Variants in PITPNC1 observed in about 807,000 individuals in gnomAD.
PITPNC1 encodes the protein phosphatidylinositol transfer protein cytoplasmic 1, also known as cytoplasmic phosphatidylinositol transfer protein 1.
In PITPNC1, 18 loss-of-function variants were observed where a neutral mutation model predicts 44.7. That is an observed-to-expected ratio of 0.40 (90% CI 0.28 to 0.60). The LOEUF (loss-of-function observed/expected upper bound fraction) is 0.60, where lower values mean the gene tolerates loss of function less well. PITPNC1 is among the 20% of genes least tolerant of loss of function. The pLI, the probability that PITPNC1 is intolerant of heterozygous loss-of-function variation, is 0.39. For missense variants in PITPNC1, 290 were observed against 418.4 expected, an observed-to-expected ratio of 0.69 and a Z score of 2.68; for synonymous variants, 141 against 149.6, an observed-to-expected ratio of 0.94 and a Z score of 0.42.
At chr17:67,644,299 G>A (rs1344784154) in intron 6 of PITPNC1, among the ~76,000 whole-genome samples, 1 of 152,024 alleles carries the variant, frequency 6.6e-6, no homozygotes, top group East Asian at 1.9e-4. Context: ...CTGTACTATA[G>A]AAAACTAACA....
At chr17:67,559,582 C>T (rs2040880607) in intron 4 of PITPNC1, among the ~76,000 whole-genome samples, 1 of 152,136 alleles carries the variant, frequency 6.6e-6, no homozygotes, top group Non-Finnish European at 1.5e-5. Flanking sequence ...TGAAAAGCAC[C>T]CTTGTGGAGA....
At chr17:67,471,222 AT>A (rs2039523842) in intron 1 of PITPNC1, among the ~76,000 whole-genome samples, 1 of 142,348 alleles carries the variant, frequency 7.0e-6, no homozygotes, top group Non-Finnish European at 1.5e-5. Context: ...TAAAAAAAAA[AT>A]GTAAAAAAAA....
intron 5 of PITPNC1, among the ~76,000 whole-genome samples, chr17:67,601,334 C>G (rs923634269): frequency 6.6e-6 from 1 of 152,050 alleles, no homozygotes; most frequent in Non-Finnish European, 1.5e-5. Context: ...ATTCTAAAAC[C>G]CAGGGCAAGG....
At chr17:67,595,389 A>G (rs1384717853) in intron 5 of PITPNC1, among the ~76,000 whole-genome samples, 1 of 152,096 alleles carries the variant, frequency 6.6e-6, no homozygotes, top group Non-Finnish European at 1.5e-5. Flanking sequence ...ATTTCTTACT[A>G]AAAATCCCTG....
chr17:67,407,529 G>A (rs901648759), intron 1 of PITPNC1, among the ~76,000 whole-genome samples: 1 of 152,086 alleles, frequency 6.6e-6, no homozygotes, highest in Non-Finnish European at 1.5e-5. Context: ...TAAGGCCGAC[G>A]TGGTGGCTCA....
chr17:67,555,238 G>GGTCTA (rs1458545640), intron 4 of PITPNC1, among the ~76,000 whole-genome samples: 1 of 152,154 alleles, frequency 6.6e-6, no homozygotes, highest in East Asian at 1.9e-4. Context: ...AGGATTCAGT[G>GGTCTA]GTCTACCCTT....
At chr17:67,577,003 C>T (rs1216308041) in intron 4 of PITPNC1, among the ~76,000 whole-genome samples, 3 of 152,124 alleles carry the variant, frequency 2.0e-5, no homozygotes, top group Non-Finnish European at 2.9e-5. Context: ...AGGTCTCGCC[C>T]GGATGCAGTG....
At chr17:67,662,655 G>A (rs2042365933) in intron 6 of PITPNC1, among the ~76,000 whole-genome samples, 1 of 152,044 alleles carries the variant, frequency 6.6e-6, no homozygotes, top group Non-Finnish European at 1.5e-5. Flanking sequence ...GCCTCCTCTG[G>A]ACATTTCATA....
intron 1 of PITPNC1, among the ~76,000 whole-genome samples, chr17:67,481,620 G>A (rs1433703526): frequency 6.6e-6 from 1 of 152,020 alleles, no homozygotes; most frequent in Non-Finnish European, 1.5e-5. Flanking sequence ...ACAGGCATGA[G>A]CTACCATGCC....
At chr17:67,526,088 G>A (rs2040388308) in intron 1 of PITPNC1, among the ~76,000 whole-genome samples, 1 of 152,178 alleles carries the variant, frequency 6.6e-6, no homozygotes, top group Admixed American at 6.5e-5. Flanking sequence ...CATGGTTCCC[G>A]CTGTTCACAT....
At chr17:67,566,629 G>C (rs1470816184) in intron 4 of PITPNC1, among the ~76,000 whole-genome samples, 1 of 152,214 alleles carries the variant, frequency 6.6e-6, no homozygotes. Flanking sequence ...GAATACCAAT[G>C]AATTTCTGAA....
chr17:67,644,150 T>A (rs2042120712), intron 6 of PITPNC1, among the ~76,000 whole-genome samples: 1 of 152,220 alleles, frequency 6.6e-6, no homozygotes, highest in South Asian at 2.1e-4. Flanking sequence ...CTCTGCTACT[T>A]CACCTCGAAG....
chr17:67,507,683 CAAAAAAAAAAAAAAA>C (rs59838492), intron 1 of PITPNC1, among the ~76,000 whole-genome samples: 1 of 79,498 alleles, frequency 1.3e-5, no homozygotes, highest in Non-Finnish European at 2.3e-5. Context: ...GACTTGGTCT[CAAAAAAAAAAAAAAA>C]AAAAAAAAAA....
At chr17:67,578,863 TC>T (rs2041187202) in intron 5 of PITPNC1, among the ~76,000 whole-genome samples, 1 of 152,158 alleles carries the variant, frequency 6.6e-6, no homozygotes, top group Non-Finnish European at 1.5e-5. Flanking sequence ...ACACCAGTAA[TC>T]CCAGCTACTT....
chr17:67,682,128 G>A (rs745398738), intron 8 of PITPNC1, among the ~76,000 whole-genome samples: 1 of 152,062 alleles, frequency 6.6e-6, no homozygotes, highest in Admixed American at 6.5e-5. Flanking sequence ...TTGAACCTGG[G>A]AGGCAGAGGT....
At chr17:67,423,666 G>T (rs1046347011) in intron 1 of PITPNC1, among the ~76,000 whole-genome samples, 1 of 152,236 alleles carries the variant, frequency 6.6e-6, no homozygotes, top group African/African-American at 2.4e-5. Flanking sequence ...ATGGATGTGC[G>T]CCCAGGTATG....
chr17:67,548,180 G>A (rs1430844802), intron 2 of PITPNC1, among the ~76,000 whole-genome samples: 2 of 152,214 alleles, frequency 1.3e-5, no homozygotes, highest in East Asian at 3.9e-4. Context: ...CTGGAACTGA[G>A]GGATTTTCTG....
At position 67,553,594 on chromosome 17, in the gene PITPNC1, G is replaced by T; in HGVS notation, c.287-16G>T. 1 of 1,199,348 alleles carries T rather than the reference G, an allele frequency of 8.3e-7. No individual in the cohort carries two copies. Among genetic ancestry groups the T allele is most frequent in the South Asian group, 1.7e-5 (1 of 59,342 alleles). 74.3% of individuals were successfully genotyped at this position (1,199,348 alleles called of 1,614,324 possible). Reference sequence around the variant, plus strand: ...TTTTTCTTTCCTCTCTTCTTCAAATGAACATGTGGAAACAGAATACACAGT... The same window carrying T: ...TTTTTCTTTCCTCTCTTCTTCAAATTAACATGTGGAAACAGAATACACAGT... On this transcript the variant is annotated splice_polypyrimidine_tract_variant and intron_variant, in intron 3 of 8. Transcript: ENST00000581322.
intron 1 of PITPNC1, among the ~76,000 whole-genome samples, chr17:67,449,559 GA>G (rs1567994092): frequency 6.6e-6 from 1 of 152,084 alleles, no homozygotes; most frequent in South Asian, 2.1e-4. Flanking sequence ...AGATAGCAAA[GA>G]AAAAAATCTT....
Sources: allele counts gnomAD v4.1 joint callset (sites outside exome capture counted in the v4.1 genomes callset), GRCh38; gene constraint gnomAD v4.1.1; transcripts MANE v1.5; gene names NCBI Gene and HGNC (gene_info 2026-07-23, HGNC 2026-07-21).